Variants in SMARCA2 observed in about 807,000 individuals in gnomAD.
The protein encoded by SMARCA2 is SWI/SNF related BAF chromatin remodeling complex subunit ATPase 2, also known as SWI/SNF-related matrix-associated actin-dependent regulator of chromatin subfamily A member 2.
Under a neutral mutation model 199.8 loss-of-function variants are expected in SMARCA2, and 61 were observed. The ratio of observed to expected loss-of-function variants is 0.31; its 90% confidence interval spans 0.25 to 0.38. The LOEUF (loss-of-function observed/expected upper bound fraction) is 0.38, where lower values mean the gene tolerates loss of function less well. SMARCA2 is among the 10% of genes least tolerant of loss of function. The pLI, the probability that SMARCA2 is intolerant of heterozygous loss-of-function variation, is 1.00. For missense variants in SMARCA2, 1,344 were observed against 2,012.2 expected, an observed-to-expected ratio of 0.67 and a Z score of 6.35; for synonymous variants, 935 against 732.0, an observed-to-expected ratio of 1.28 and a Z score of -4.48.
At chr9:2,151,623 A>C (rs111641201) in intron 27 of SMARCA2, among the ~76,000 whole-genome samples, 5,863 of 152,106 alleles carry the variant, frequency 0.039, 432 homozygotes, top group African/African-American at 0.13. Flanking sequence ...AATCCCAGCT[A>C]TTGGGAGGCT....
chr9:2,040,687 A>G (rs1030529203), intron 4 of SMARCA2: 4 of 152,252 alleles, frequency 2.6e-5, no homozygotes, highest in Admixed American at 1.3e-4. Flanking sequence ...AGAAACATCA[A>G]TAGCATTTGT....
intron 29 of SMARCA2, among the ~76,000 whole-genome samples, chr9:2,181,038 C>G (rs931443454): frequency 2.0e-5 from 3 of 150,256 alleles, no homozygotes; most frequent in Non-Finnish European, 3.0e-5. Flanking sequence ...GGAATAAGAC[C>G]AAGAAAATAG....
At chr9:2,061,345 T>C (rs566930014) in intron 9 of SMARCA2, among the ~76,000 whole-genome samples, 2 of 152,288 alleles carry the variant, frequency 1.3e-5, no homozygotes, top group South Asian at 2.1e-4. Context: ...CAATTAAGAA[T>C]GAAATTTAAG....
chr9:2,189,516 C>G (rs931187178), intron 32 of SMARCA2, among the ~76,000 whole-genome samples: 8 of 152,136 alleles, frequency 5.3e-5, no homozygotes, highest in African/African-American at 1.9e-4. Flanking sequence ...ACATATTTCA[C>G]TTTGTCTTTC....
rs545940628 is a variant in SMARCA2, at chr9:2,126,641, T to C, written c.3981+2704T>C. On this transcript the variant is annotated intron_variant, in intron 27 of 33. Coordinates refer to ENST00000349721, the MANE Select transcript of SMARCA2 (RefSeq NM_003070.5). ...GCAAGGACCGTCGTGTAAGAAATGC[T>C]GTAACAGGGCTAAAATAATTCTTCT... 3.3e-5 allele frequency among the ~76,000 whole-genome samples: 5 copies of C among 152,342 alleles called. No homozygotes were observed. The South Asian group carries it at 1.0e-3, about 32-fold the overall frequency.
chr9:2,079,070 G>A (rs959642939), intron 14 of SMARCA2, among the ~76,000 whole-genome samples: 2 of 152,046 alleles, frequency 1.3e-5, no homozygotes, highest in African/African-American at 2.4e-5. Context: ...AACGTGAGTC[G>A]AGGGCCTTAT....
At position 2,024,212 on chromosome 9, in the gene SMARCA2, C is replaced by A. The variant is rs371974360; in HGVS notation, c.-36-4775C>A. 1.4e-4 allele frequency among the ~76,000 whole-genome samples: 21 copies of A among 152,188 alleles called. No homozygotes were observed. The South Asian group carries it at 2.1e-3, about 15-fold the overall frequency. On this transcript the variant is annotated intron_variant, in intron 1 of 33. Coordinates refer to ENST00000349721, the MANE Select transcript of SMARCA2 (RefSeq NM_003070.5). ...GGGAACTTTTTTTCTTTTTTTTAAACTTGAAGGCCTTGCTGAAATGCTACC... is the reference window on the plus strand; with the variant it reads ...GGGAACTTTTTTTCTTTTTTTTAAAATTGAAGGCCTTGCTGAAATGCTACC...
At chr9:2,186,855 A>G (rs1326423445) in intron 32 of SMARCA2, among the ~76,000 whole-genome samples, 2 of 107,256 alleles carry the variant, frequency 1.9e-5, no homozygotes, top group Admixed American at 1.0e-4. Context: ...TTGCCTTTGA[A>G]TATTAGCCTA....
intron 2 of SMARCA2, among the ~76,000 whole-genome samples, chr9:2,031,219 T>G (rs1013748802): frequency 5.3e-5 from 8 of 152,240 alleles, no homozygotes; most frequent in African/African-American, 1.9e-4. Flanking sequence ...TTCTGTCTCC[T>G]CTTTTTAACA....
At chr9:2,184,060 T>C (rs1586810495) in intron 31 of SMARCA2, among the ~76,000 whole-genome samples, 1 of 152,298 alleles carries the variant, frequency 6.6e-6, no homozygotes, top group East Asian at 1.9e-4. Context: ...GTTCATTTAC[T>C]GCCTCTCTTC....
Position 2,029,052 on chromosome 9 carries a change from GCC to G in SMARCA2, c.33_34del (p.His12ProfsTer18). The G allele has an allele frequency of 6.4e-7, 1 of 1,555,212 alleles. No homozygotes were observed. The highest frequency in any genetic ancestry group is 8.7e-7 in the Non-Finnish European group (1 of 1,149,036). ...CCACGCCCACAGACCCTGGTGCGAT[GCC>G]CCACCCAGGGCCTTCGCCGGGGCCT... is the stretch of plus-strand genomic sequence containing the variant. MSTPTDPGAMPHPGPSPGPGP... is the reference protein window; with the variant it reads MSTPTDPGAMXHPGPSPGPGP... On this transcript the variant is annotated frameshift_variant, in exon 2 of 34. Transcript: ENST00000349721. LOFTEE classifies it high-confidence loss of function.
intron 10 of SMARCA2, 59 bp from the exon 11 acceptor site, chr9:2,073,153 T>C: frequency 6.2e-7 from 1 of 1,603,934 alleles, no homozygotes; most frequent in South Asian, 1.1e-5. Flanking sequence ...AAACGTCCAG[T>C]ACAGGACTGG....
chr9:2,163,892 C>CT lies in SMARCA2; in HGVS notation c.4199+1997dup, dbSNP rs199681440. Among the ~76,000 whole-genome samples, 1,428 of 151,828 alleles carry CT rather than the reference C, an allele frequency of 9.4e-3. 18 individuals carry two copies. The highest frequency in any genetic ancestry group is 0.01 in the Non-Finnish European group (696 of 67,914). On this transcript the variant is annotated intron_variant, in intron 28 of 33. Transcript: ENST00000349721. ...GCCAACAGATTCGTTTGGTTTTATG[C>CT]TTTTTTTTGAGGGGTGGGGGTCAGC...
intron 5 of SMARCA2, among the ~76,000 whole-genome samples, chr9:2,051,941 T>C (rs1259329517): frequency 6.6e-6 from 1 of 152,154 alleles, no homozygotes; most frequent in African/African-American, 2.4e-5. Context: ...TACATAGATG[T>C]TGTAGAAAAT....
At position 2,170,347 on chromosome 9, in the gene SMARCA2, T is replaced by C; in HGVS notation, c.4200-72T>C. ...TGAGGCTTGGCCAGGTCACCCAGCC[T>C]AGGAAGAAGGAGCCGGGCGGGGACG... On this transcript the variant is annotated intron_variant, in intron 28 of 33. Transcript: ENST00000349721. This position sits in a 1 kb window ranked among gnomAD's most constrained non-coding sequence, Gnocchi z 4.7. 1.2e-6 allele frequency: 2 copies of C among 1,602,068 alleles called. No homozygotes were observed. Among genetic ancestry groups the C allele is most frequent in the African/African-American group, 1.3e-5 (1 of 74,486 alleles).
chr9:2,123,138 G>T lies in SMARCA2; in HGVS notation c.3763-581G>T, dbSNP rs1823538638. 6.6e-6 allele frequency among the ~76,000 whole-genome samples: 1 copy of T among 152,174 alleles called. No homozygotes were observed. Among genetic ancestry groups the T allele is most frequent in the African/African-American group, 2.4e-5 (1 of 41,442 alleles). ...CCTCAGACAGTGCCCATGAGGTATTGAAAAGTTAGTATATTCATGGCCAAT... is the reference window on the plus strand; with the variant it reads ...CCTCAGACAGTGCCCATGAGGTATTTAAAAGTTAGTATATTCATGGCCAAT... On this transcript the variant is annotated intron_variant, in intron 26 of 33. Transcript: ENST00000349721. This position sits in a 1 kb window ranked among gnomAD's most constrained non-coding sequence, Gnocchi z 4.1.
chr9:2,185,972 A>G, intron 31 of SMARCA2, 124 bp from the exon 32 acceptor site: 7 of 947,590 alleles, frequency 7.4e-6, no homozygotes, highest in Non-Finnish European at 1.1e-5. Flanking sequence ...ATGTGGGCAT[A>G]AAAGCTAACG....
In SMARCA2 at chr9:2,070,478, G is replaced by T. The variant is rs1821041831; in HGVS notation, c.1746+7G>T. 1.9e-6 allele frequency: 3 copies of T among 1,609,768 alleles called. No homozygotes were observed. Among genetic ancestry groups the T allele is most frequent in the Non-Finnish European group, 2.6e-6 (3 of 1,176,126 alleles). On this transcript the variant is annotated splice_region_variant and intron_variant, in intron 10 of 33. Transcript: ENST00000349721. ...CCTGGGACCGGATGGAGAGGTAAGG[G>T]ATCGTCATCCTTTCCACTGTGTTCT... is the stretch of plus-strand genomic sequence containing the variant.
At position 2,097,399 on chromosome 9, in the gene SMARCA2, T is replaced by G. The variant is rs773271162; in HGVS notation, c.3006T>G (p.Ala1002=). Reference sequence around the variant, plus strand: ...CTGGTTCTTAGGGGAAAGGAGGTGCTAAGACACTTATGAACACTATTATGC... The same window carrying G: ...CTGGTTCTTAGGGGAAAGGAGGTGCGAAGACACTTATGAACACTATTATGC... ...SEKDKKGKGG[A]KTLMNTIMQL... is the part of the protein sequence containing the mutation. Residue 1002 remains alanine, a synonymous_variant, in exon 21 of 34, where the codon GCT becomes GCG. Transcript: ENST00000349721. The G allele has an allele frequency of 3.7e-6, 6 of 1,609,190 alleles. No homozygotes were observed. In the African/African-American group the frequency reaches 8.0e-5, roughly 22 times the overall value.
Sources: gnomAD v4.1 joint callset for allele counts (sites outside exome capture counted in the v4.1 genomes callset) on GRCh38, gnomAD v4.1.1 for gene constraint, Gnocchi (gnomAD v3.1) non-coding constraint, MANE v1.5 for transcripts, NCBI Gene and HGNC (gene_info 2026-07-23, HGNC 2026-07-21) for gene names.